ZNF704: variants seen among roughly 807,000 people sequenced by gnomAD.
The protein encoded by ZNF704 is zinc finger protein 704.
Under a neutral mutation model 44.7 loss-of-function variants are expected in ZNF704, and 10 were observed. The observed-to-expected ratio is 0.22, with a 90% CI of 0.14 to 0.38. The LOEUF is 0.38. ZNF704 is among the 10% of genes least tolerant of loss of function. The probability of loss-of-function intolerance (pLI) is 1.00; values close to 1 mark genes in which losing one functional copy is unlikely to be tolerated. For missense variants in ZNF704, 390 were observed against 545.5 expected, an observed-to-expected ratio of 0.71 and a Z score of 2.84; for synonymous variants, 211 against 207.6, an observed-to-expected ratio of 1.02 and a Z score of -0.14.
intron 2 of ZNF704, among the ~76,000 whole-genome samples, chr8:80,752,418 T>G (rs6473250): frequency 0.065 from 9,903 of 152,072 alleles, 1,077 homozygotes; most frequent in African/African-American, 0.23. Flanking sequence ...GCAATCTGAT[T>G]TATAAGCTGA....
intron 2 of ZNF704, among the ~76,000 whole-genome samples, chr8:80,742,418 C>T (rs112666350): frequency 0.047 from 7,209 of 152,296 alleles, 236 homozygotes; most frequent in Middle Eastern, 0.11. Context: ...CCCTTCACCA[C>T]ACCTTTCACT....
At chr8:80,732,172 T>C (rs1192373822) in intron 2 of ZNF704, among the ~76,000 whole-genome samples, 1 of 152,218 alleles carries the variant, frequency 6.6e-6, no homozygotes. Flanking sequence ...TCCACCTTCA[T>C]CTCTCTGTGC....
intron 7 of ZNF704, among the ~76,000 whole-genome samples, chr8:80,656,375 G>C (rs1379894057): frequency 6.6e-6 from 1 of 152,162 alleles, no homozygotes; most frequent in Non-Finnish European, 1.5e-5. Context: ...TGGCAGTCTT[G>C]AGCTGATTAA....
intron 1 of ZNF704, among the ~76,000 whole-genome samples, chr8:80,869,923 A>G (rs966547924): frequency 2.0e-5 from 3 of 152,190 alleles, no homozygotes; most frequent in African/African-American, 7.2e-5. Flanking sequence ...GAGGGGGAGA[A>G]GAGCTCTACA....
At chr8:80,845,220 G>A (rs1052180512) in intron 1 of ZNF704, among the ~76,000 whole-genome samples, 1 of 152,138 alleles carries the variant, frequency 6.6e-6, no homozygotes, top group Non-Finnish European at 1.5e-5. Context: ...TCCCCTAGAG[G>A]TCCTTGCAAA....
chr8:80,733,761 T>C (rs2131683546), intron 2 of ZNF704, among the ~76,000 whole-genome samples: 2 of 152,330 alleles, frequency 1.3e-5, no homozygotes, highest in South Asian at 4.1e-4. Context: ...GATTCACCTC[T>C]CTATTTCTTA....
At chr8:80,882,941 A>G in the ZNF704 span, among the ~76,000 whole-genome samples, 1 of 151,890 alleles carries the variant, frequency 6.6e-6, no homozygotes. Context: ...TAATAGAAAT[A>G]TTTCTAGGCT....
intron 2 of ZNF704, among the ~76,000 whole-genome samples, chr8:80,740,686 G>A (rs1245006924): frequency 6.6e-6 from 1 of 152,172 alleles, no homozygotes; most frequent in Non-Finnish European, 1.5e-5. Flanking sequence ...GGACCTTAAG[G>A]ATGCCTTTTT....
chr8:80,745,141 C>G (rs1202914182), intron 2 of ZNF704, among the ~76,000 whole-genome samples: 1 of 152,098 alleles, frequency 6.6e-6, no homozygotes, highest in Admixed American at 6.6e-5. Context: ...TCCTTAGTTT[C>G]GCTGTAAATA....
In ZNF704 at chr8:80,874,238, G is replaced by C. The variant is rs1809319564; in HGVS notation, c.-22+333C>G. On this transcript the variant is annotated intron_variant, in intron 1 of 8. Coordinates refer to ENST00000327835, the MANE Select transcript of ZNF704 (RefSeq NM_001033723.3). This position sits in a 1 kb window ranked among gnomAD's most constrained non-coding sequence, Gnocchi z 4.4. ...CCGCCTTCGCTGGACCGGCCGGCGG[G>C]GACGCCGGCGGCCGGCGGCTACGGC... 6.9e-6 allele frequency among the ~76,000 whole-genome samples: 1 copy of C among 144,976 alleles called. No individual in the cohort carries two copies. The highest frequency in any genetic ancestry group is 1.5e-5 in the Non-Finnish European group (1 of 65,512).
At chr8:80,865,915 T>C (rs2130058078) in intron 1 of ZNF704, among the ~76,000 whole-genome samples, 1 of 152,338 alleles carries the variant, frequency 6.6e-6, no homozygotes, top group South Asian at 2.1e-4. Flanking sequence ...CAAGCTTGTT[T>C]CCTACATATA....
At chr8:80,721,544 A>G (rs1250753438) in intron 2 of ZNF704, among the ~76,000 whole-genome samples, 1 of 152,228 alleles carries the variant, frequency 6.6e-6, no homozygotes, top group African/African-American at 2.4e-5. Flanking sequence ...CAAAGGCATA[A>G]TGAAATCAGA....
intron 1 of ZNF704, among the ~76,000 whole-genome samples, chr8:80,850,042 T>A (rs928779651): frequency 5.9e-5 from 9 of 152,204 alleles, no homozygotes; most frequent in Non-Finnish European, 1.0e-4. Context: ...ATGGTAACTT[T>A]TTAGGATTTC....
chr8:80,856,993 ATTCAT>A (rs770592367), intron 1 of ZNF704, among the ~76,000 whole-genome samples: 15 of 152,110 alleles, frequency 9.9e-5, no homozygotes, highest in Admixed American at 2.6e-4. Context: ...TAGTATATCA[ATTCAT>A]TTATTTAGGT....
intron 2 of ZNF704, among the ~76,000 whole-genome samples, chr8:80,809,861 CT>C (rs1434803272): frequency 6.6e-6 from 1 of 152,150 alleles, no homozygotes. Flanking sequence ...CTCATATCTA[CT>C]TTCTTTTGTA....
chr8:80,656,875 A>G (rs577000099), intron 7 of ZNF704, among the ~76,000 whole-genome samples: 1 of 152,304 alleles, frequency 6.6e-6, no homozygotes, highest in South Asian at 2.1e-4. Context: ...AAAGCATTTT[A>G]TCACATGAAT....
At chr8:80,806,559 T>C (rs1016843131) in intron 2 of ZNF704, among the ~76,000 whole-genome samples, 1 of 152,168 alleles carries the variant, frequency 6.6e-6, no homozygotes, top group Non-Finnish European at 1.5e-5. Context: ...AACAAACATA[T>C]TTGAACATCA....
intron 2 of ZNF704, among the ~76,000 whole-genome samples, chr8:80,725,499 A>T (rs979659290): frequency 1.2e-4 from 18 of 152,180 alleles, no homozygotes; most frequent in African/African-American, 3.9e-4. Context: ...AAACACAAAG[A>T]TTATGCCAAA....
At chr8:80,815,101 A>G (rs370679919) in intron 2 of ZNF704, among the ~76,000 whole-genome samples, 2 of 152,314 alleles carry the variant, frequency 1.3e-5, no homozygotes, top group African/African-American at 4.8e-5. Context: ...CTTTTAAACT[A>G]TATAATTCCC....
Sources: gnomAD v4.1 joint callset for allele counts (sites outside exome capture counted in the v4.1 genomes callset) on GRCh38, gnomAD v4.1.1 for gene constraint, Gnocchi (gnomAD v3.1) non-coding constraint, MANE v1.5 for transcripts, NCBI Gene and HGNC (gene_info 2026-07-23, HGNC 2026-07-21) for gene names.